Variants in ITGBL1 observed in about 807,000 individuals in gnomAD.
ITGBL1 encodes integrin beta-like protein 1.
In ITGBL1, 51 loss-of-function variants were observed where a neutral mutation model predicts 68.5. The ratio of observed to expected loss-of-function variants is 0.74; its 90% CI spans 0.59 to 0.94. The LOEUF (loss-of-function observed/expected upper bound fraction) is 0.94. ITGBL1 is among the 40% of genes least tolerant of loss of function. The pLI is 0.00. For synonymous variants in ITGBL1, 209 were observed against 227.3 expected (o/e 0.92, Z 0.72); for missense variants, 649 against 647.4 (o/e 1.00, Z -0.03).
In ITGBL1 at chr13:101,545,221, C is replaced by T. The variant is rs141430509; in HGVS notation, c.317-22478C>T. 7.5e-3 allele frequency among the ~76,000 whole-genome samples: 1,137 copies of T among 152,270 alleles called. 5 individuals are homozygous for T. Among genetic ancestry groups the T allele is most frequent in the Non-Finnish European group, 0.011 (782 of 68,016 alleles). On this transcript the variant is annotated intron_variant, in intron 2 of 10. Transcript: ENST00000376180. Reference sequence around the variant, plus strand: ...CCCCTATGCTGTGCTGCTTCTAAAACAGTAAGATGAGCTGGCGGTGTTTTG... The same window carrying T: ...CCCCTATGCTGTGCTGCTTCTAAAATAGTAAGATGAGCTGGCGGTGTTTTG...
In ITGBL1 at chr13:101,586,145, G is replaced by C. The variant is rs533391883; in HGVS notation, c.868+2789G>C. Among the ~76,000 whole-genome samples, 190 of 152,264 alleles carry C rather than the reference G, an allele frequency of 1.2e-3. 1 individual carries two copies. Among genetic ancestry groups the C allele is most frequent in the Non-Finnish European group, 2.2e-3 (151 of 68,016 alleles). ...GAGCAGGTGAAGTGTCATTAAGGAG[G>C]CTGCACTGGAATCTAATTTTCCACC... On this transcript the variant is annotated intron_variant, in intron 6 of 10. Transcript: ENST00000376180.
At chr13:101,586,169 C>G (rs556043744) in intron 6 of ITGBL1, among the ~76,000 whole-genome samples, 2 of 152,172 alleles carry the variant, frequency 1.3e-5, no homozygotes, top group Non-Finnish European at 2.9e-5. Flanking sequence ...TAATTTTCCA[C>G]CTCACCTATT....
intron 7 of ITGBL1, among the ~76,000 whole-genome samples, chr13:101,667,820 G>A (rs2033259255): frequency 6.6e-6 from 1 of 151,692 alleles, no homozygotes; most frequent in South Asian, 2.1e-4. Context: ...ATACAATCTG[G>A]CATAGTTGGC....
At chr13:101,493,547 A>G (rs1047091429) in intron 2 of ITGBL1, among the ~76,000 whole-genome samples, 3 of 152,008 alleles carry the variant, frequency 2.0e-5, no homozygotes, top group African/African-American at 7.2e-5. Flanking sequence ...TTTGTCCGGG[A>G]CGTGCTTCAG....
At position 101,548,638 on chromosome 13, in the gene ITGBL1, T is replaced by C. The variant is rs758244590; in HGVS notation, c.317-19061T>C. Among the ~76,000 whole-genome samples the C allele has an allele frequency of 3.3e-4, 50 of 151,796 alleles. 1 individual carries two copies. Among genetic ancestry groups the C allele is most frequent in the South Asian group, 1.5e-3 (7 of 4,824 alleles). On this transcript the variant is annotated intron_variant, in intron 2 of 10. Transcript: ENST00000376180. ...ATTGTTTTATACATAGAAGGGAAAA[T>C]AACAAAATAAGTAAAAAATTGTCTT...
chr13:101,714,680 G>A (rs1594008864), intron 10 of ITGBL1, 129 bp downstream of exon 10: 14 of 641,916 alleles, frequency 2.2e-5, no homozygotes. Context: ...TCTACCAAAG[G>A]CGAAGTGGGC....
intron 2 of ITGBL1, among the ~76,000 whole-genome samples, chr13:101,527,894 C>G (rs539857219): frequency 6.6e-6 from 1 of 151,992 alleles, no homozygotes; most frequent in South Asian, 2.1e-4. Flanking sequence ...CTCAGAAGAA[C>G]ATTTATATAT....
chr13:101,683,214 C>CGGG (rs2033682052), intron 7 of ITGBL1, among the ~76,000 whole-genome samples: 1 of 151,968 alleles, frequency 6.6e-6, no homozygotes, highest in East Asian at 1.9e-4. Flanking sequence ...AAAAGATAAC[C>CGGG]TTTATTCTCA....
chr13:101,502,507 G>A (rs1289291184), intron 2 of ITGBL1, among the ~76,000 whole-genome samples: 1 of 152,070 alleles, frequency 6.6e-6, no homozygotes, highest in Non-Finnish European at 1.5e-5. Context: ...TGGTCTCTTA[G>A]GTATATGAGA....
intron 7 of ITGBL1, among the ~76,000 whole-genome samples, chr13:101,603,375 G>GTAGGATA (rs543267344): frequency 6.6e-6 from 1 of 152,070 alleles, no homozygotes; most frequent in East Asian, 1.9e-4. Flanking sequence ...GAGTGGAGGA[G>GTAGGATA]TAGGATATGG....
intron 7 of ITGBL1, among the ~76,000 whole-genome samples, chr13:101,677,613 C>T (rs894338088): frequency 2.0e-5 from 3 of 152,150 alleles, no homozygotes; most frequent in African/African-American, 7.2e-5. Context: ...ATATGAACTT[C>T]CTGGCTTCAC....
chr13:101,457,812 T>C lies in ITGBL1; in HGVS notation c.316+3712T>C, dbSNP rs1421594750. Among the ~76,000 whole-genome samples the C allele has an allele frequency of 2.0e-5, 3 of 151,876 alleles. No individual in the cohort carries two copies. In the East Asian group the frequency reaches 5.8e-4, roughly 29 times the overall value. On this transcript the variant is annotated intron_variant, in intron 2 of 10. Transcript: ENST00000376180. ...GCCTGAGTGACAGAACGACACTCCA[T>C]CACAAAAAAGGAAAGAAAAAAAGAA...
intron 2 of ITGBL1, among the ~76,000 whole-genome samples, chr13:101,564,184 G>A (rs2050144085): frequency 6.6e-6 from 1 of 151,852 alleles, no homozygotes; most frequent in Non-Finnish European, 1.5e-5. Flanking sequence ...TACAAGAGCT[G>A]AAATAATTTT....
At chr13:101,454,533 G>T (rs1179941265) in intron 2 of ITGBL1, among the ~76,000 whole-genome samples, 1 of 151,906 alleles carries the variant, frequency 6.6e-6, no homozygotes, top group Non-Finnish European at 1.5e-5. Flanking sequence ...TGCCTCTAAA[G>T]TTCCTCATTA....
intron 8 of ITGBL1, among the ~76,000 whole-genome samples, chr13:101,700,349 T>C (rs1215371342): frequency 6.6e-6 from 1 of 152,186 alleles, no homozygotes; most frequent in Non-Finnish European, 1.5e-5. Flanking sequence ...CAGTCCAACA[T>C]TGTGTCCCAC....
chr13:101,685,924 C>G (rs1250567658), intron 7 of ITGBL1, among the ~76,000 whole-genome samples: 1 of 152,062 alleles, frequency 6.6e-6, no homozygotes, highest in Admixed American at 6.6e-5. Flanking sequence ...GGTCAACTCT[C>G]AAAAGCTTCT....
intron 2 of ITGBL1, among the ~76,000 whole-genome samples, chr13:101,470,467 T>C (rs1297196150): frequency 6.6e-6 from 1 of 152,146 alleles, no homozygotes; most frequent in East Asian, 1.9e-4. Flanking sequence ...TTTTATAAAG[T>C]AGACGTGGTG....
chr13:101,482,096 A>G (rs1367105242), intron 2 of ITGBL1, among the ~76,000 whole-genome samples: 1 of 152,208 alleles, frequency 6.6e-6, no homozygotes, highest in Non-Finnish European at 1.5e-5. Flanking sequence ...CGTAATGAGC[A>G]TGTATTAGCC....
chr13:101,687,673 A>C (rs2033785974), intron 7 of ITGBL1, among the ~76,000 whole-genome samples: 1 of 152,098 alleles, frequency 6.6e-6, no homozygotes, highest in Admixed American at 6.5e-5. Context: ...CATTGGAATG[A>C]TTTTATATGT....
Sources: gnomAD v4.1 joint callset for allele counts (sites outside exome capture counted in the v4.1 genomes callset) on GRCh38, gnomAD v4.1.1 for gene constraint, MANE v1.5 for transcripts, NCBI Gene and HGNC (gene_info 2026-07-23, HGNC 2026-07-21) for gene names.